The following CAMK4 variants were observed in gnomAD, a reference collection of about 807,000 sequenced individuals.
CAMK4 encodes calcium/calmodulin dependent protein kinase IV, also known as calcium/calmodulin-dependent protein kinase type IV.
A neutral mutation model predicts 44.9 loss-of-function variants in CAMK4; 22 were observed. That is an observed-to-expected ratio of 0.49 (90% CI 0.35 to 0.70). The LOEUF is 0.70. Among genes scored for constraint, CAMK4 ranks in the 30% least tolerant of loss-of-function variants. The pLI is 0.01. For missense variants in CAMK4, 498 were observed against 586.8 expected (o/e 0.85, Z 1.56); for synonymous variants, 218 against 215.4 (o/e 1.01, Z -0.11).
At chr5:111,337,765 T>G (rs1380388798) in intron 1 of CAMK4, among the ~76,000 whole-genome samples, 2 of 151,100 alleles carry the variant, frequency 1.3e-5, no homozygotes, top group South Asian at 2.1e-4. Context: ...CTCTGATCGG[T>G]GAGTGACAGC....
At chr5:111,301,424 G>A (rs1322514866) in intron 1 of CAMK4, among the ~76,000 whole-genome samples, 1 of 152,170 alleles carries the variant, frequency 6.6e-6, no homozygotes, top group Non-Finnish European at 1.5e-5. Flanking sequence ...GGATGGTGAT[G>A]AAACACTTAG....
intron 1 of CAMK4, among the ~76,000 whole-genome samples, chr5:111,291,609 C>G (rs897637842): frequency 6.6e-6 from 1 of 152,200 alleles, no homozygotes; most frequent in Non-Finnish European, 1.5e-5. Flanking sequence ...GCCTTGACCT[C>G]CTGGGCCAAA....
Position 111,438,163 on chromosome 5 carries a change from G to A in CAMK4, c.460-8523G>A, listed in dbSNP as rs116771343. On this transcript the variant is annotated intron_variant, in intron 5 of 10. Coordinates refer to ENST00000282356, the MANE Select transcript of CAMK4 (RefSeq NM_001744.6). ...TTTTCAGGTGGAAGAAATTGGAAGA[G>A]GGCAGGGAGGTCGAGAGTGCTGCTA... 4.4e-3 allele frequency among the ~76,000 whole-genome samples: 671 copies of A among 152,264 alleles called. 6 individuals are homozygous for A. Among genetic ancestry groups the A allele is most frequent in the African/African-American group, 0.015 (626 of 41,548 alleles).
intron 1 of CAMK4, among the ~76,000 whole-genome samples, chr5:111,311,113 G>C (rs1325253179): frequency 6.6e-6 from 1 of 152,152 alleles, no homozygotes; most frequent in Admixed American, 6.5e-5. Flanking sequence ...CATTACCTGG[G>C]TGAAGGTAAA....
chr5:111,439,245 T>C (rs10066487), intron 5 of CAMK4, among the ~76,000 whole-genome samples: 1 of 152,018 alleles, frequency 6.6e-6, no homozygotes, highest in African/African-American at 2.4e-5. Context: ...ATCTAGATCT[T>C]TCTACTCTTG....
intron 9 of CAMK4, among the ~76,000 whole-genome samples, chr5:111,480,395 G>A (rs952603637): frequency 1.7e-4 from 25 of 151,456 alleles, no homozygotes; most frequent in African/African-American, 5.8e-4. Flanking sequence ...GGTTCCTTCT[G>A]CCAAAATCTT....
chr5:111,236,134 C>G (rs1748706619), intron 1 of CAMK4, among the ~76,000 whole-genome samples: 1 of 152,216 alleles, frequency 6.6e-6, no homozygotes, highest in Non-Finnish European at 1.5e-5. Context: ...ATGTGAAACA[C>G]TGAGCTCCAT....
At chr5:111,267,250 G>A (rs1021312034) in intron 1 of CAMK4, among the ~76,000 whole-genome samples, 1 of 152,166 alleles carries the variant, frequency 6.6e-6, no homozygotes, top group African/African-American at 2.4e-5. Context: ...GGTATTTCAA[G>A]ATCGTAATTT....
At chr5:111,410,661 A>G (rs1752601154) in intron 5 of CAMK4, among the ~76,000 whole-genome samples, 1 of 152,128 alleles carries the variant, frequency 6.6e-6, no homozygotes, top group Non-Finnish European at 1.5e-5. Flanking sequence ...TATGGGCGTG[A>G]TGTGAATTTA....
chr5:111,443,271 TATATATATACACACAC>T (rs1420572625), intron 5 of CAMK4, among the ~76,000 whole-genome samples: 587 of 52,926 alleles, frequency 0.011, 1 homozygote, highest in African/African-American at 0.028. Context: ...TATATATATA[TATATATATACACACAC>T]ACACACACAC....
intron 5 of CAMK4, among the ~76,000 whole-genome samples, chr5:111,442,800 A>C (rs1479079661): frequency 6.7e-6 from 1 of 148,530 alleles, no homozygotes; most frequent in Non-Finnish European, 1.5e-5. Context: ...CATAATATTA[A>C]TATATTTAAT....
intron 1 of CAMK4, among the ~76,000 whole-genome samples, chr5:111,227,771 C>T (rs1284608771): frequency 6.6e-6 from 1 of 152,150 alleles, no homozygotes; most frequent in Non-Finnish European, 1.5e-5. Flanking sequence ...AAGTATCAGG[C>T]AAAGTAATTT....
At position 111,490,179 on chromosome 5, in the gene CAMK4, T is replaced by C. The variant is rs1755767722; in HGVS notation, c.*5713T>C. 6.6e-6 allele frequency: 1 copy of C among 152,240 alleles called. No homozygotes were observed. Among genetic ancestry groups the C allele is most frequent in the Admixed American group, 6.5e-5 (1 of 15,276 alleles). The allele number at this position is 152,240 out of a possible 1,614,324, so 9.4% of individuals were successfully genotyped here. A position where few individuals can be genotyped will look rare whatever the true frequency, so the allele number is the denominator to read the frequency against. On this transcript the variant is annotated 3_prime_UTR_variant, in exon 11 of 11. Transcript: ENST00000282356. ...GGCTACTTAAATACAAGACCTTGCA[T>C]TCTAATTTTTGAAAGCGGTTGTTTT...
chr5:111,414,476 T>C (rs1752745307), intron 5 of CAMK4, among the ~76,000 whole-genome samples: 1 of 152,054 alleles, frequency 6.6e-6, no homozygotes, highest in Non-Finnish European at 1.5e-5. Flanking sequence ...CATCAGCATC[T>C]TCAGTAATAT....
In CAMK4 at chr5:111,484,257, G is replaced by C. The variant is rs1755534352; in HGVS notation, c.1213G>C (p.Gly405Arg). 6.2e-7 allele frequency: 1 copy of C among 1,614,028 alleles called. No homozygotes were observed. Among genetic ancestry groups the C allele is most frequent in the Non-Finnish European group, 8.5e-7 (1 of 1,180,034 alleles). Residue 405 changes from glycine to arginine, a missense_variant, in exon 11 of 11, where the codon GGT becomes CGT. Coordinates refer to ENST00000282356, the MANE Select transcript of CAMK4 (RefSeq NM_001744.6). This position sits in a 1 kb window ranked among gnomAD's most constrained non-coding sequence, Gnocchi z 5.3. ...MKVQALEKVK[G>R]ADINAEEAPK... ...GGTGCAAGCCTTAGAGAAAGTTAAAGGTGCAGATATAAATGCTGAAGAGGC... is the reference window on the plus strand; with the variant it reads ...GGTGCAAGCCTTAGAGAAAGTTAAACGTGCAGATATAAATGCTGAAGAGGC...
rs555883702 is a variant in CAMK4, at chr5:111,445,142, G to A, written c.460-1544G>A. Among the ~76,000 whole-genome samples the A allele has an allele frequency of 4.5e-4, 68 of 152,244 alleles. 1 individual carries two copies. In the South Asian group the frequency reaches 0.013, roughly 29 times the overall value. ...AGCAGAAACACTCAAATATTCAAGT[G>A]CTGGAATGTTTATATTGTATTACTT... On this transcript the variant is annotated intron_variant, in intron 5 of 10. Transcript: ENST00000282356.
At chr5:111,321,012 A>G (rs1233749610) in intron 1 of CAMK4, among the ~76,000 whole-genome samples, 1 of 152,174 alleles carries the variant, frequency 6.6e-6, no homozygotes, top group African/African-American at 2.4e-5. Context: ...TGGACTCCTA[A>G]CCACTAGACT....
At chr5:111,465,373 T>C (rs998752523) in intron 7 of CAMK4, among the ~76,000 whole-genome samples, 1 of 151,394 alleles carries the variant, frequency 6.6e-6, no homozygotes, top group Non-Finnish European at 1.5e-5. Context: ...CTAAATGAAA[T>C]GGAAACAAAC....
chr5:111,400,381 G>A (rs1311718140), intron 5 of CAMK4, among the ~76,000 whole-genome samples: 1 of 152,186 alleles, frequency 6.6e-6, no homozygotes, highest in Non-Finnish European at 1.5e-5. Context: ...TATAAAAATT[G>A]GGACAGGTGG....
Sources: allele counts gnomAD v4.1 joint callset (sites outside exome capture counted in the v4.1 genomes callset), GRCh38; gene constraint gnomAD v4.1.1; non-coding constraint Gnocchi (gnomAD v3.1); transcripts MANE v1.5; gene names NCBI Gene and HGNC (gene_info 2026-07-23, HGNC 2026-07-21).